ELAPOR2: variants seen among roughly 807,000 people sequenced by gnomAD.
ELAPOR2 encodes the protein endosome-lysosome associated apoptosis and autophagy regulator family member 2.
A neutral mutation model predicts 120.7 loss-of-function variants in ELAPOR2; 89 were observed. The ratio of observed to expected loss-of-function variants is 0.74; its 90% CI spans 0.62 to 0.88. The LOEUF is 0.88. Ranked by LOEUF, ELAPOR2 falls within the 40% of genes least tolerant of loss-of-function variation. The probability of loss-of-function intolerance (pLI) is 0.00; values close to 1 mark genes in which losing one functional copy is unlikely to be tolerated. For synonymous variants in ELAPOR2, 444 were observed against 444.9 expected (o/e 1.00, Z 0.03); for missense variants, 1,134 against 1,251.6 (o/e 0.91, Z 1.42).
At position 86,877,490 on chromosome 7, in the gene ELAPOR2, G is replaced by A. The variant is rs1342505552; in HGVS notation, c.*2981C>T. 6.6e-6 allele frequency: 1 copy of A among 152,184 alleles called. No individual in the cohort carries two copies. The highest frequency in any genetic ancestry group is 1.9e-4 in the East Asian group (1 of 5,192). 9.4% of individuals were successfully genotyped at this position (152,184 alleles called of 1,614,324 possible). A position where few individuals can be genotyped will look rare whatever the true frequency, so the allele number is the denominator to read the frequency against. On this transcript the variant is annotated 3_prime_UTR_variant, in exon 22 of 22. Transcript: ENST00000450689. ...ACTCTTAGTGTACAAAGATAAACGTGAGCAGTACACTCACTTTAAACATGG... is the reference window on the plus strand; with the variant it reads ...ACTCTTAGTGTACAAAGATAAACGTAAGCAGTACACTCACTTTAAACATGG...
chr7:87,059,429 A>C lies in ELAPOR2; in HGVS notation c.85T>G (p.Trp29Gly). Reference protein sequence around the residue: ...EAPRRGRSPPWSPAWICCWAL... With the variant: ...EAPRRGRSPPGSPAWICCWAL... Reference sequence around the variant, plus strand: ...CAGCAGCAAATCCAGGCGGGGCTCCAGGGCGGCGAGCGCCCGCGGCGGGGA... The same window carrying C: ...CAGCAGCAAATCCAGGCGGGGCTCCCGGGCGGCGAGCGCCCGCGGCGGGGA... Residue 29 changes from tryptophan (W) to glycine (G), a missense_variant, in exon 1 of 22, where the codon TGG becomes GGG. Physicochemically the swap from Trp to Gly is radical, Grantham distance 184. Coordinates refer to ENST00000450689, the MANE Select transcript of ELAPOR2 (RefSeq NM_001142749.3). 8.1e-7 allele frequency: 1 copy of C among 1,234,680 alleles called. No individual in the cohort carries two copies. The highest frequency in any genetic ancestry group is 1.0e-6 in the Non-Finnish European group (1 of 985,328). The allele number at this position is 1,234,680 out of a possible 1,614,324, so 76.5% of individuals were successfully genotyped here.
At chr7:87,031,701 T>A (rs1794427099) in intron 1 of ELAPOR2, among the ~76,000 whole-genome samples, 1 of 152,220 alleles carries the variant, frequency 6.6e-6, no homozygotes, top group Non-Finnish European at 1.5e-5. Context: ...ACTGGAGTAC[T>A]CACTAGTTAG....
At chr7:87,046,052 A>C (rs1408658449) in intron 1 of ELAPOR2, among the ~76,000 whole-genome samples, 1 of 152,046 alleles carries the variant, frequency 6.6e-6, no homozygotes, top group Non-Finnish European at 1.5e-5. Flanking sequence ...TATTGGAAAA[A>C]CCTAAAGACT....
chr7:87,034,594 A>G (rs1243512131), intron 1 of ELAPOR2, among the ~76,000 whole-genome samples: 3 of 152,028 alleles, frequency 2.0e-5, no homozygotes, highest in Admixed American at 6.6e-5. Context: ...TTAAGCATCA[A>G]TTATTATTTT....
intron 18 of ELAPOR2, among the ~76,000 whole-genome samples, chr7:86,900,683 C>T (rs190593248): frequency 4.8e-4 from 73 of 152,240 alleles, no homozygotes; most frequent in Non-Finnish European, 8.5e-4. Context: ...TTATTTGATT[C>T]CTTTAACCTG....
intron 21 of ELAPOR2, among the ~76,000 whole-genome samples, chr7:86,886,627 T>C (rs112648209): frequency 1.7e-4 from 26 of 152,214 alleles, no homozygotes; most frequent in African/African-American, 5.8e-4. Context: ...GATAGTCCCA[T>C]TTATGGTCGC....
chr7:87,026,685 A>T (rs1794254318), intron 1 of ELAPOR2, among the ~76,000 whole-genome samples: 1 of 152,036 alleles, frequency 6.6e-6, no homozygotes, highest in African/African-American at 2.4e-5. Context: ...CCACAGTTAA[A>T]TTTACATTAT....
chr7:86,983,435 G>A (rs886399239), intron 1 of ELAPOR2, among the ~76,000 whole-genome samples: 5 of 149,076 alleles, frequency 3.4e-5, no homozygotes, highest in African/African-American at 9.7e-5. Flanking sequence ...GGCAGCCAGA[G>A]AGAAGGTCGG....
chr7:87,053,663 G>C (rs1367066665), intron 1 of ELAPOR2, among the ~76,000 whole-genome samples: 1 of 152,180 alleles, frequency 6.6e-6, no homozygotes, highest in South Asian at 2.1e-4. Context: ...ATATGTGTCA[G>C]AGAGTAAACA....
At chr7:87,020,680 T>C (rs945316586) in intron 1 of ELAPOR2, among the ~76,000 whole-genome samples, 2 of 152,094 alleles carry the variant, frequency 1.3e-5, no homozygotes, top group Non-Finnish European at 2.9e-5. Flanking sequence ...TTTTGGAGTG[T>C]TACAATGCAC....
intron 1 of ELAPOR2, among the ~76,000 whole-genome samples, chr7:86,987,293 C>G (rs1401053211): frequency 6.6e-6 from 1 of 152,124 alleles, no homozygotes; most frequent in Non-Finnish European, 1.5e-5. Context: ...TGGGAAAGGA[C>G]TTCATGATGA....
chr7:86,971,252 T>C (rs1792099702), intron 1 of ELAPOR2, among the ~76,000 whole-genome samples: 2 of 152,210 alleles, frequency 1.3e-5, no homozygotes, highest in Non-Finnish European at 2.9e-5. Flanking sequence ...ATGCTTCACA[T>C]CTTATGGTCT....
intron 1 of ELAPOR2, among the ~76,000 whole-genome samples, chr7:87,042,671 A>T (rs1794823744): frequency 1.3e-5 from 2 of 152,342 alleles, no homozygotes; most frequent in East Asian, 1.9e-4. Flanking sequence ...AAGATCCAAA[A>T]TTGGCACCCT....
At position 86,981,965 on chromosome 7, in the gene ELAPOR2, G is replaced by A. The variant is rs547545605; in HGVS notation, c.190-16941C>T. Among the ~76,000 whole-genome samples the A allele has an allele frequency of 9.8e-5, 15 of 152,352 alleles. No individual in the cohort carries two copies. The East Asian group carries it at 1.4e-3, about 14-fold the overall frequency. On this transcript the variant is annotated intron_variant, in intron 1 of 21. Transcript: ENST00000450689. ...CAGGACACTCCTGCCCACATACTGC[G>A]CTTTCCCAATGGTCTTAGCAAACGG...
intron 21 of ELAPOR2, among the ~76,000 whole-genome samples, chr7:86,886,153 G>A (rs1336254873): frequency 6.6e-6 from 1 of 152,100 alleles, no homozygotes; most frequent in Non-Finnish European, 1.5e-5. Flanking sequence ...TCAGGGACCT[G>A]CTACCTAAGT....
intron 1 of ELAPOR2, among the ~76,000 whole-genome samples, chr7:87,000,155 C>T (rs866059279): frequency 1.3e-5 from 2 of 151,856 alleles, no homozygotes; most frequent in Non-Finnish European, 2.9e-5. Flanking sequence ...CTGGTTAATA[C>T]GCATCATTCC....
At chr7:86,909,646 T>C (rs1344921612) in intron 16 of ELAPOR2, among the ~76,000 whole-genome samples, 166 bp downstream of exon 16, 2 of 152,110 alleles carry the variant, frequency 1.3e-5, no homozygotes, top group Admixed American at 6.6e-5. Flanking sequence ...GACTAATCAA[T>C]AGTCCCCACT....
intron 8 of ELAPOR2, among the ~76,000 whole-genome samples, chr7:86,929,045 A>C (rs1233573773): frequency 6.6e-6 from 1 of 152,018 alleles, no homozygotes; most frequent in African/African-American, 2.4e-5. Flanking sequence ...GAAATGTCTT[A>C]TAAAACCAAA....
chr7:86,976,015 G>A (rs1792272335), intron 1 of ELAPOR2, among the ~76,000 whole-genome samples: 2 of 152,056 alleles, frequency 1.3e-5, no homozygotes, highest in African/African-American at 4.8e-5. Context: ...AGGGGAAATG[G>A]GATCAGAAAG....
Sources: gnomAD v4.1 joint callset for allele counts (sites outside exome capture counted in the v4.1 genomes callset) on GRCh38, gnomAD v4.1.1 for gene constraint, MANE v1.5 for transcripts, NCBI Gene and HGNC (gene_info 2026-07-23, HGNC 2026-07-21) for gene names.